The following TPTE variants were observed in gnomAD, a reference collection of about 807,000 sequenced individuals.
TPTE encodes the protein transmembrane phosphatase with tensin homology.
Under a neutral mutation model 84.1 loss-of-function variants are expected in TPTE, and 59 were observed. The observed-to-expected ratio is 0.70, with a 90% confidence interval of 0.57 to 0.87. The LOEUF is 0.87. TPTE is among the 40% of genes least tolerant of loss of function. The pLI is 0.00. For synonymous variants in TPTE, 130 were observed against 223.5 expected (o/e 0.58, Z 3.73); for missense variants, 382 against 659.6 (o/e 0.58, Z 4.61).
At chr21:10,537,211 T>C (rs1326976296) in intron 3 of TPTE, among the ~76,000 whole-genome samples, 2 of 152,310 alleles carry the variant, frequency 1.3e-5, no homozygotes, top group East Asian at 1.9e-4. Context: ...GTTTGTGCTG[T>C]ATTCAATTGT....
At chr21:10,538,051 T>C (rs1421155390) in intron 3 of TPTE, among the ~76,000 whole-genome samples, 2 of 152,308 alleles carry the variant, frequency 1.3e-5, no homozygotes, top group African/African-American at 4.8e-5. Context: ...AGACTGCCTA[T>C]ATGTGAGACC....
intron 10 of TPTE, among the ~76,000 whole-genome samples, chr21:10,565,188 CAGT>C (rs1197299118): frequency 1.6e-4 from 24 of 152,410 alleles, no homozygotes; most frequent in African/African-American, 5.5e-4. Context: ...ATACAAAAAT[CAGT>C]AGCATTTCTA....
chr21:10,564,468 C>G (rs1183401075), intron 10 of TPTE, among the ~76,000 whole-genome samples: 5 of 152,310 alleles, frequency 3.3e-5, no homozygotes, highest in African/African-American at 1.2e-4. Flanking sequence ...TGAGATCACA[C>G]CACTGCACTC....
chr21:10,551,550 C>T (rs1439483527), intron 7 of TPTE, among the ~76,000 whole-genome samples: 1 of 152,294 alleles, frequency 6.6e-6, no homozygotes, highest in Non-Finnish European at 1.5e-5. Context: ...CAAACCAAAC[C>T]CCAAATTATT....
At chr21:10,533,582 T>C (rs530525219) in intron 3 of TPTE, among the ~76,000 whole-genome samples, 1 of 152,426 alleles carries the variant, frequency 6.6e-6, no homozygotes, top group Admixed American at 6.5e-5. Context: ...TCTGCTGCTG[T>C]TCTTGCAACA....
At chr21:10,595,474 T>A (rs535780091) in intron 19 of TPTE, among the ~76,000 whole-genome samples, 68 of 152,014 alleles carry the variant, frequency 4.5e-4, no homozygotes, top group African/African-American at 1.5e-3. Context: ...AGGGCTTCCT[T>A]GGGAAAACAG....
chr21:10,526,684 T>C (rs1260024489), intron 2 of TPTE, among the ~76,000 whole-genome samples: 5 of 152,428 alleles, frequency 3.3e-5, no homozygotes, highest in African/African-American at 1.2e-4. Context: ...ACTAAAAATG[T>C]GTATCCGTTT....
intron 8 of TPTE, among the ~76,000 whole-genome samples, chr21:10,552,920 A>G (rs2074606329): frequency 6.6e-6 from 1 of 152,312 alleles, no homozygotes; most frequent in Non-Finnish European, 1.5e-5. Flanking sequence ...CCATTCAGAA[A>G]TAAATGTTCT....
At chr21:10,547,481 T>G (rs1401577398) in intron 7 of TPTE, among the ~76,000 whole-genome samples, 1 of 152,308 alleles carries the variant, frequency 6.6e-6, no homozygotes, top group Admixed American at 6.5e-5. Context: ...CACAAAGTCT[T>G]TACAACAGGA....
chr21:10,589,733 G>T (rs1454036181), intron 17 of TPTE, among the ~76,000 whole-genome samples: 1 of 152,306 alleles, frequency 6.6e-6, no homozygotes, highest in Non-Finnish European at 1.5e-5. Context: ...ACATACTGAG[G>T]CTTCACTCAC....
At chr21:10,568,811 G>A (rs1464627286) in intron 11 of TPTE, among the ~76,000 whole-genome samples, 2 of 152,310 alleles carry the variant, frequency 1.3e-5, no homozygotes, top group African/African-American at 4.8e-5. Flanking sequence ...TTTCCAGGTG[G>A]CTCTTATTGA....
At chr21:10,562,745 A>G (rs1312886204) in intron 10 of TPTE, among the ~76,000 whole-genome samples, 4 of 152,308 alleles carry the variant, frequency 2.6e-5, no homozygotes, top group Non-Finnish European at 5.9e-5. Flanking sequence ...ATAAAAAACA[A>G]CGACGCCTGC....
chr21:10,564,279 G>T (rs2074870375), intron 10 of TPTE, among the ~76,000 whole-genome samples: 1 of 152,312 alleles, frequency 6.6e-6, no homozygotes, highest in East Asian at 1.9e-4. Context: ...GGAGGCAGAG[G>T]CGGGTGGTTT....
chr21:10,557,816 T>G (rs1389750222), intron 8 of TPTE, among the ~76,000 whole-genome samples: 1 of 152,298 alleles, frequency 6.6e-6, no homozygotes, highest in African/African-American at 2.4e-5. Context: ...TCAGGGAGGT[T>G]GTTTTTTTTT....
chr21:10,554,989 A>G (rs1291598203), intron 8 of TPTE, among the ~76,000 whole-genome samples: 1 of 152,308 alleles, frequency 6.6e-6, no homozygotes, highest in Non-Finnish European at 1.5e-5. Flanking sequence ...CTACCCCCAG[A>G]GTCTGCACAA....
chr21:10,523,725 C>G (rs1223679756), intron 1 of TPTE, among the ~76,000 whole-genome samples: 2 of 152,302 alleles, frequency 1.3e-5, no homozygotes, highest in African/African-American at 4.8e-5. Context: ...GGTTCCAAGT[C>G]TTTGCTATTG....
intron 10 of TPTE, among the ~76,000 whole-genome samples, chr21:10,564,014 T>C (rs1401736608): frequency 6.6e-6 from 1 of 152,296 alleles, no homozygotes; most frequent in Non-Finnish European, 1.5e-5. Context: ...ATTAGCAGGG[T>C]GTGGTGGTGC....
chr21:10,546,000 T>C (rs2074460694), intron 7 of TPTE, among the ~76,000 whole-genome samples: 1 of 152,282 alleles, frequency 6.6e-6, no homozygotes, highest in East Asian at 1.9e-4. Flanking sequence ...TATATACATA[T>C]ATGTGTGTGT....
At chr21:10,554,583 T>G (rs1301077414) in intron 8 of TPTE, among the ~76,000 whole-genome samples, 3 of 152,310 alleles carry the variant, frequency 2.0e-5, no homozygotes, top group Non-Finnish European at 4.4e-5. Context: ...TTTTTCTATT[T>G]TATGTAATAT....
Sources: allele counts gnomAD v4.1 joint callset (sites outside exome capture counted in the v4.1 genomes callset), GRCh38; gene constraint gnomAD v4.1.1; transcripts MANE v1.5; gene names NCBI Gene and HGNC (gene_info 2026-07-23, HGNC 2026-07-21).